Variants in ADGRD2 observed in about 807,000 individuals in gnomAD.
ADGRD2 encodes G protein-coupled receptor PGR24.
In ADGRD2, 71 loss-of-function variants were observed where a neutral mutation model predicts 44.4. The ratio of observed to expected loss-of-function variants is 1.60; its 90% CI spans 1.32 to 1.95. The LOEUF is 1.95. Among genes scored for constraint, ADGRD2 ranks in the 30% most tolerant of loss-of-function variants. The pLI is 0.00. For synonymous variants in ADGRD2, 481 were observed against 224.8 expected (o/e 2.14, Z -10.19); for missense variants, 1,039 against 512.4 (o/e 2.03, Z -9.92).
At chr9:124,461,802 C>T (rs888560956) in intron 10 of ADGRD2, among the ~76,000 whole-genome samples, 1 of 151,786 alleles carries the variant, frequency 6.6e-6, no homozygotes, top group Admixed American at 6.6e-5. Context: ...GGCTAGAGTA[C>T]AGTGGTACGA....
exon 2 of ADGRD2, chr9:124,452,651 T>C: frequency 1.4e-6 from 1 of 718,114 alleles, no homozygotes; most frequent in South Asian, 1.5e-5. Flanking sequence ...GATGGGGTTC[T>C]TGCTTCACGG....
upstream of ADGRD2, chr9:124,451,498 C>T (rs1157432498): frequency 5.8e-6 from 2 of 344,680 alleles, no homozygotes; most frequent in Non-Finnish European, 1.1e-5. Flanking sequence ...TGGTTGGTTC[C>T]CAGCTCAGTG....
exon 3 of ADGRD2, chr9:124,453,384 G>A (rs1008989681): frequency 7.0e-6 from 4 of 568,396 alleles, no homozygotes; most frequent in African/African-American, 4.0e-5. Flanking sequence ...CCGATGGGAG[G>A]CGGCGCGCTG....
chr9:124,460,741 A>G (rs1333528562), intron 10 of ADGRD2, among the ~76,000 whole-genome samples: 1 of 152,072 alleles, frequency 6.6e-6, no homozygotes, highest in Admixed American at 6.6e-5. Context: ...AGTTTGGGCT[A>G]TTATGAATAA....
At position 124,453,686 on chromosome 9, in the gene ADGRD2, G is replaced by GCCCCCCCCCCCCCCCCCCC; in HGVS notation, c.923+14_923+15insCCCCCCCCCCCCCCCCCCC. 3 of 650,458 alleles carry GCCCCCCCCCCCCCCCCCCC rather than the reference G, an allele frequency of 4.6e-6. No individual in the cohort carries two copies. The highest frequency in any genetic ancestry group is 1.6e-5 in the South Asian group (1 of 63,446). 40.3% of individuals were successfully genotyped at this position (650,458 alleles called of 1,614,324 possible). Reference sequence around the variant, plus strand: ...CGCCTTCTCTGTCCCGGTACGACCCGCCCCGCCCCGGCCCCACCCCATGGC... The same window carrying GCCCCCCCCCCCCCCCCCCC: ...CGCCTTCTCTGTCCCGGTACGACCCGCCCCCCCCCCCCCCCCCCCCCCCGCCCCGGCCCCACCCCATGGC... On this transcript the variant is annotated intron_variant, in intron 3 of 21. Transcript: ENST00000334810.
rs75828435 is a variant in ADGRD2, at chr9:124,452,171, C to G, written c.68+13C>G. 2.8e-6 allele frequency: 2 copies of G among 710,772 alleles called. No individual in the cohort carries two copies. The highest frequency in any genetic ancestry group is 5.3e-6 in the Non-Finnish European group (2 of 380,890). 44.0% of individuals were successfully genotyped at this position (710,772 alleles called of 1,614,324 possible). On this transcript the variant is annotated intron_variant, in intron 1 of 21. Transcript: ENST00000334810. ...GGGCCCCAGGTTGGTATGAGGGATC[C>G]CCCCAGGGAGGGTCCCAGTCCCCCA...
At chr9:124,469,590 ACAGT>A (rs1564142854) in intron 16 of ADGRD2, 43 bp downstream of exon 19, 4 of 713,278 alleles carry the variant, frequency 5.6e-6, no homozygotes, top group Non-Finnish European at 1.0e-5. Flanking sequence ...CAGGAAGTGC[ACAGT>A]CAGCCGGCGC....
intron 17 of ADGRD2, among the ~76,000 whole-genome samples, chr9:124,473,515 T>C (rs1001125108): frequency 2.0e-5 from 3 of 152,238 alleles, no homozygotes; most frequent in Non-Finnish European, 2.9e-5. Flanking sequence ...GCACAATCCC[T>C]GGCACGTGCT....
chr9:124,460,409 G>A (rs1831707653), intron 10 of ADGRD2, among the ~76,000 whole-genome samples: 3 of 150,424 alleles, frequency 2.0e-5, no homozygotes, highest in Admixed American at 1.3e-4. Context: ...GTAGAGATGG[G>A]GTTTCTCCAT....
chr9:124,451,323 C>T (rs746594149), upstream of ADGRD2: 11 of 431,974 alleles, frequency 2.5e-5, no homozygotes, highest in Non-Finnish European at 4.3e-5. Context: ...AGCTCTGTTT[C>T]GCCCCTCTCT....
At chr9:124,453,938 C>T (rs1277515529) in intron 3 of ADGRD2, 61 bp from the exon 7 acceptor site, 2 of 612,566 alleles carry the variant, frequency 3.3e-6, no homozygotes, top group Non-Finnish European at 5.9e-6. Context: ...ACCCCGGGGC[C>T]GTGCGTCCTG....
At chr9:124,463,478 A>G (rs979247086) in intron 10 of ADGRD2, among the ~76,000 whole-genome samples, 1 of 152,202 alleles carries the variant, frequency 6.6e-6, no homozygotes, top group African/African-American at 2.4e-5. Flanking sequence ...GTGTCAGATT[A>G]ATGCTGGCCT....
At chr9:124,451,589 C>A (rs1222747468), upstream of ADGRD2, 2 of 283,606 alleles carry the variant, frequency 7.1e-6, no homozygotes, top group Non-Finnish European at 1.4e-5. Flanking sequence ...AGCTGCTTTC[C>A]TGCGACTTTT....
intron 10 of ADGRD2, among the ~76,000 whole-genome samples, chr9:124,462,725 G>C (rs1831744188): frequency 6.6e-6 from 1 of 152,084 alleles, no homozygotes; most frequent in Admixed American, 6.5e-5. Context: ...TAATATAATT[G>C]ATTTATACAA....
chr9:124,467,631 TG>T, intron 11 of ADGRD2, 89 bp from the exon 15 acceptor site: 1 of 686,178 alleles, frequency 1.5e-6, no homozygotes, highest in Non-Finnish European at 2.7e-6. Context: ...GAATGCGGCG[TG>T]GGGGGCCTTA....
chr9:124,453,006 CTG>C (rs1255066618), intron 2 of ADGRD2, 27 bp from the exon 6 acceptor site: 1 of 633,280 alleles, frequency 1.6e-6, no homozygotes, highest in African/African-American at 1.8e-5. Flanking sequence ...GGTGAGGAAA[CTG>C]AGGTCGCAGC....
At chr9:124,462,461 A>G (rs1564140441) in intron 10 of ADGRD2, among the ~76,000 whole-genome samples, 1 of 152,178 alleles carries the variant, frequency 6.6e-6, no homozygotes, top group Non-Finnish European at 1.5e-5. Flanking sequence ...TAGAAAACCT[A>G]CTAGTATTTT....
upstream of ADGRD2, chr9:124,451,595 CT>C (rs908947258): frequency 2.1e-5 from 6 of 282,014 alleles, no homozygotes; most frequent in East Asian, 1.0e-4. Context: ...TTTCCTGCGA[CT>C]TTTTTTTCCT....
At chr9:124,456,076 C>T (rs751503317) in intron 6 of ADGRD2, among the ~76,000 whole-genome samples, 2 of 152,150 alleles carry the variant, frequency 1.3e-5, no homozygotes, top group African/African-American at 2.4e-5. Context: ...ATTAGGGATC[C>T]GAGGCACTGC....
Sources: allele counts gnomAD v4.1 joint callset (sites outside exome capture counted in the v4.1 genomes callset), GRCh38; gene constraint gnomAD v4.1.1; transcripts MANE v1.5; gene names NCBI Gene and HGNC (gene_info 2026-07-23, HGNC 2026-07-21).